The following RALYL variants were observed in gnomAD, a reference collection of about 807,000 sequenced individuals.
The protein encoded by RALYL is RALY RNA binding protein like, also known as RNA-binding Raly-like protein.
RALYL carries 29 observed loss-of-function variants against 35.1 expected under a neutral mutation model. That is an observed-to-expected ratio of 0.83 (90% CI 0.61 to 1.13). The LOEUF is 1.13. Among genes scored for constraint, RALYL ranks in the 50% most tolerant of loss-of-function variants. The pLI, the probability that RALYL is intolerant of heterozygous loss-of-function variation, is 0.00. For synonymous variants in RALYL, 120 were observed against 127.6 expected (o/e 0.94, Z 0.40); for missense variants, 359 against 360.4 (o/e 1.00, Z 0.03).
At chr8:84,240,521 T>C (rs748659812) in intron 1 of RALYL, among the ~76,000 whole-genome samples, 2 of 152,172 alleles carry the variant, frequency 1.3e-5, no homozygotes, top group Non-Finnish European at 2.9e-5. Context: ...CTTTCATTCT[T>C]CAAGATGATA....
chr8:84,822,722 A>G (rs1387372841), intron 4 of RALYL, among the ~76,000 whole-genome samples: 3 of 152,178 alleles, frequency 2.0e-5, no homozygotes, highest in African/African-American at 7.2e-5. Flanking sequence ...AGACTTAACT[A>G]ACAATATGTC....
chr8:84,664,417 T>C (rs1020216347), intron 2 of RALYL, among the ~76,000 whole-genome samples: 74 of 152,182 alleles, frequency 4.9e-4, no homozygotes, highest in African/African-American at 1.7e-3. Flanking sequence ...ATAAATTCCC[T>C]TGGACAGTAT....
intron 2 of RALYL, among the ~76,000 whole-genome samples, chr8:84,609,496 T>A (rs1276353862): frequency 6.6e-6 from 1 of 152,158 alleles, no homozygotes; most frequent in Non-Finnish European, 1.5e-5. Flanking sequence ...TAGATGTAAA[T>A]GTACACATTA....
chr8:84,362,767 A>T (rs957857837), intron 1 of RALYL, among the ~76,000 whole-genome samples: 8 of 152,136 alleles, frequency 5.3e-5, no homozygotes, highest in African/African-American at 1.9e-4. Context: ...CTCTGGAGGG[A>T]TTTCTTTATC....
intron 2 of RALYL, among the ~76,000 whole-genome samples, chr8:84,569,585 G>GACAC (rs1438604352): frequency 1.3e-5 from 2 of 151,764 alleles, no homozygotes; most frequent in Non-Finnish European, 2.9e-5. Flanking sequence ...ACACTTTCCA[G>GACAC]TTTAATTAAC....
chr8:84,455,263 C>T (rs1312289557), intron 1 of RALYL, among the ~76,000 whole-genome samples: 2 of 151,848 alleles, frequency 1.3e-5, no homozygotes, highest in African/African-American at 2.4e-5. Context: ...CTGTTCAGGG[C>T]TTCAAGACTA....
intron 1 of RALYL, among the ~76,000 whole-genome samples, chr8:84,445,334 A>G (rs926659558): frequency 1.3e-5 from 2 of 152,002 alleles, no homozygotes; most frequent in Admixed American, 1.3e-4. Flanking sequence ...TATAATCAGT[A>G]TTTTTTCTTT....
chr8:84,616,367 T>C (rs1291742372), intron 2 of RALYL, among the ~76,000 whole-genome samples: 1 of 148,678 alleles, frequency 6.7e-6, no homozygotes, highest in Admixed American at 6.7e-5. Flanking sequence ...CATTTTTTCA[T>C]GTGTTTTTTG....
intron 2 of RALYL, among the ~76,000 whole-genome samples, chr8:84,562,780 T>G (rs2061547239): frequency 6.6e-6 from 1 of 151,932 alleles, no homozygotes; most frequent in Admixed American, 6.6e-5. Flanking sequence ...TGCATTTTAA[T>G]AAGGTCTCTA....
At chr8:84,485,743 G>A (rs1237455267) in intron 1 of RALYL, among the ~76,000 whole-genome samples, 1 of 151,978 alleles carries the variant, frequency 6.6e-6, no homozygotes, top group African/African-American at 2.4e-5. Flanking sequence ...AAAATCTTTG[G>A]AAATTAATGA....
At chr8:84,739,403 GATAAT>G (rs923887053) in intron 2 of RALYL, among the ~76,000 whole-genome samples, 1 of 151,618 alleles carries the variant, frequency 6.6e-6, no homozygotes, top group African/African-American at 2.4e-5. Flanking sequence ...TGTAAAATAA[GATAAT>G]ATAAATAAAT....
intron 2 of RALYL, among the ~76,000 whole-genome samples, chr8:84,571,336 A>G (rs899195949): frequency 1.3e-5 from 2 of 151,810 alleles, no homozygotes; most frequent in African/African-American, 2.4e-5. Flanking sequence ...TCTTGATTCA[A>G]TCTTGGCTGG....
At chr8:84,388,455 C>T (rs1446799651) in intron 1 of RALYL, among the ~76,000 whole-genome samples, 2 of 152,152 alleles carry the variant, frequency 1.3e-5, no homozygotes, top group Non-Finnish European at 2.9e-5. Flanking sequence ...TATAGTCCCA[C>T]CAACAGTGTA....
chr8:84,648,895 A>G (rs929802086), intron 2 of RALYL, among the ~76,000 whole-genome samples: 1 of 151,672 alleles, frequency 6.6e-6, no homozygotes, highest in Non-Finnish European at 1.5e-5. Context: ...ATCTGAGAAG[A>G]TTTTCTCACC....
intron 2 of RALYL, among the ~76,000 whole-genome samples, chr8:84,610,914 A>G (rs936243846): frequency 2.0e-5 from 3 of 147,076 alleles, no homozygotes; most frequent in African/African-American, 7.4e-5. Context: ...GCATTTTCTT[A>G]CTTTGTGGCA....
chr8:84,692,952 A>T (rs963276655), intron 2 of RALYL, among the ~76,000 whole-genome samples: 2 of 152,022 alleles, frequency 1.3e-5, no homozygotes, highest in Non-Finnish European at 2.9e-5. Flanking sequence ...TAGCCTCTAG[A>T]AGTTAGAAAA....
intron 4 of RALYL, among the ~76,000 whole-genome samples, chr8:84,846,851 T>A (rs923216998): frequency 1.3e-5 from 2 of 152,184 alleles, no homozygotes; most frequent in Non-Finnish European, 1.5e-5. Flanking sequence ...TGGGATTGAT[T>A]GTAATGTTAT....
intron 1 of RALYL, among the ~76,000 whole-genome samples, chr8:84,513,406 C>G (rs1217910908): frequency 6.6e-6 from 1 of 151,728 alleles, no homozygotes; most frequent in African/African-American, 2.4e-5. Flanking sequence ...GGTTAAGATT[C>G]TTGTTCTTAT....
Position 84,774,291 on chromosome 8 carries a change from G to A in RALYL, c.257-288G>A, listed in dbSNP as rs555583016. 2.6e-5 allele frequency among the ~76,000 whole-genome samples: 4 copies of A among 152,196 alleles called. No homozygotes were observed. The East Asian group carries it at 5.8e-4, about 22-fold the overall frequency. On this transcript the variant is annotated intron_variant, in intron 2 of 8. Coordinates refer to ENST00000521268, the MANE Select transcript of RALYL (RefSeq NM_173848.7). Reference sequence around the variant, plus strand: ...ATTTTGATTGTTTATAGTACTCATCGTTTTCTAATATGGTATATAGTTTTT... The same window carrying A: ...ATTTTGATTGTTTATAGTACTCATCATTTTCTAATATGGTATATAGTTTTT...
Sources: gnomAD v4.1 joint callset for allele counts (sites outside exome capture counted in the v4.1 genomes callset) on GRCh38, gnomAD v4.1.1 for gene constraint, MANE v1.5 for transcripts, NCBI Gene and HGNC (gene_info 2026-07-23, HGNC 2026-07-21) for gene names.